The following RASA2 variants were observed in gnomAD, a reference collection of about 807,000 sequenced individuals.
RASA2 encodes the protein RAS p21 protein activator 2.
In RASA2, 155 loss-of-function variants were observed where a neutral mutation model predicts 118.2. The observed-to-expected ratio is 1.31, with a 90% CI of 1.15 to 1.50. The LOEUF is 1.50. Ranked by LOEUF, RASA2 falls within the 40% of genes most tolerant of loss-of-function variation. The pLI, the probability that RASA2 is intolerant of heterozygous loss-of-function variation, is 0.00. For missense variants in RASA2, 1,016 were observed against 1,009.6 expected, an observed-to-expected ratio of 1.01 and a Z score of -0.09; for synonymous variants, 353 against 349.1, an observed-to-expected ratio of 1.01 and a Z score of -0.12.
intron 5 of RASA2, among the ~76,000 whole-genome samples, chr3:141,543,072 T>G (rs2082429292): frequency 6.6e-6 from 1 of 152,082 alleles, no homozygotes; most frequent in Admixed American, 6.5e-5. Context: ...TGCCATTTTT[T>G]GTTTGTTTTC....
chr3:141,516,203 AATATAT>A (rs911013488), intron 2 of RASA2, 119 bp from the exon 3 acceptor site: 1 of 610,138 alleles, frequency 1.6e-6, no homozygotes, highest in Non-Finnish European at 2.2e-6. Context: ...AGTATAATAA[AATATAT>A]ATATATTAAA....
chr3:141,500,443 A>T (rs1284945474), intron 1 of RASA2, among the ~76,000 whole-genome samples: 1 of 152,226 alleles, frequency 6.6e-6, no homozygotes, highest in Non-Finnish European at 1.5e-5. Context: ...TGATTAAATG[A>T]TAAAGGCTAA....
intron 15 of RASA2, 89 bp from the exon 16 acceptor site, chr3:141,580,278 AG>A: frequency 2.1e-6 from 2 of 949,468 alleles, no homozygotes; most frequent in Admixed American, 5.1e-5. Context: ...ATTGTTTTAC[AG>A]CAATGTAGTC....
intron 19 of RASA2, among the ~76,000 whole-genome samples, chr3:141,597,390 C>A (rs1458893551): frequency 6.6e-6 from 1 of 152,074 alleles, no homozygotes; most frequent in African/African-American, 2.4e-5. Context: ...ACGAAGTGTC[C>A]AGAAAAGACA....
At chr3:141,555,309 G>A (rs908078309) in intron 6 of RASA2, among the ~76,000 whole-genome samples, 1 of 152,162 alleles carries the variant, frequency 6.6e-6, no homozygotes, top group African/African-American at 2.4e-5. Context: ...CTATTGTACT[G>A]TAGTTGTGTA....
intron 4 of RASA2, among the ~76,000 whole-genome samples, chr3:141,536,197 C>T (rs2082322847): frequency 1.3e-5 from 2 of 152,222 alleles, no homozygotes; most frequent in East Asian, 1.9e-4. Flanking sequence ...ACTGGGGAGG[C>T]GTCAGAATCA....
chr3:141,586,919 C>T, intron 19 of RASA2, 167 bp downstream of exon 19: 2 of 681,010 alleles, frequency 2.9e-6, no homozygotes, highest in Non-Finnish European at 5.4e-6. Flanking sequence ...ACAGTAACCC[C>T]ATGTATATTA....
At chr3:141,567,796 A>G (rs1173623129) in intron 9 of RASA2, among the ~76,000 whole-genome samples, 1 of 152,236 alleles carries the variant, frequency 6.6e-6, no homozygotes, top group African/African-American at 2.4e-5. Context: ...TGCCGTGCCT[A>G]GTACAAATGT....
chr3:141,520,692 A>G (rs779018504), intron 3 of RASA2, among the ~76,000 whole-genome samples: 26 of 152,202 alleles, frequency 1.7e-4, no homozygotes, highest in Non-Finnish European at 2.9e-4. Context: ...TTATATACAC[A>G]GATATATATA....
At chr3:141,561,788 A>G (rs1046346601) in intron 9 of RASA2, among the ~76,000 whole-genome samples, 1 of 152,250 alleles carries the variant, frequency 6.6e-6, no homozygotes, top group Non-Finnish European at 1.5e-5. Context: ...TAATTTTTAA[A>G]TTTGAAAGTA....
At chr3:141,501,241 A>C (rs971966380) in intron 1 of RASA2, among the ~76,000 whole-genome samples, 1 of 152,178 alleles carries the variant, frequency 6.6e-6, no homozygotes, top group Non-Finnish European at 1.5e-5. Flanking sequence ...TGTATTTCCT[A>C]TAATAGAAAT....
At chr3:141,500,519 A>G (rs1467574859) in intron 1 of RASA2, among the ~76,000 whole-genome samples, 3 of 152,232 alleles carry the variant, frequency 2.0e-5, no homozygotes, top group Non-Finnish European at 4.4e-5. Flanking sequence ...TCTGAGCCTC[A>G]GCTTCCTTGT....
chr3:141,536,444 AC>A (rs199554598), intron 4 of RASA2, among the ~76,000 whole-genome samples: 1,895 of 152,286 alleles, frequency 0.012, 27 homozygotes, highest in Admixed American at 0.034. Context: ...ACACAGCCAA[AC>A]CATATCAGTA....
intron 19 of RASA2, among the ~76,000 whole-genome samples, chr3:141,601,262 A>G (rs1197310800): frequency 6.6e-6 from 1 of 152,110 alleles, no homozygotes; most frequent in Non-Finnish European, 1.5e-5. Context: ...CCCCGTTTGT[A>G]TTAAAAATAC....
chr3:141,557,772 A>C (rs1471056801), intron 7 of RASA2, among the ~76,000 whole-genome samples: 1 of 152,194 alleles, frequency 6.6e-6, no homozygotes, highest in Non-Finnish European at 1.5e-5. Context: ...AGGAAGAGGC[A>C]GATAAAAGAG....
chr3:141,495,705 C>T (rs1024191468), intron 1 of RASA2, among the ~76,000 whole-genome samples: 3 of 152,186 alleles, frequency 2.0e-5, no homozygotes, highest in Non-Finnish European at 4.4e-5. Context: ...ATTTTTACTT[C>T]TACCTATTTG....
At chr3:141,596,253 C>CT (rs1340690081) in intron 19 of RASA2, among the ~76,000 whole-genome samples, 1 of 152,094 alleles carries the variant, frequency 6.6e-6, no homozygotes, top group Non-Finnish European at 1.5e-5. Flanking sequence ...TAAAATACTT[C>CT]TAAGTAACCT....
At chr3:141,547,779 CTT>C (rs2082508232) in intron 5 of RASA2, among the ~76,000 whole-genome samples, 1 of 152,250 alleles carries the variant, frequency 6.6e-6, no homozygotes. Flanking sequence ...AGAGAAAAGA[CTT>C]TCAGTTGTTC....
chr3:141,519,894 G>A (rs1483319501), intron 3 of RASA2, among the ~76,000 whole-genome samples: 2 of 151,720 alleles, frequency 1.3e-5, no homozygotes, highest in Admixed American at 1.3e-4. Flanking sequence ...CTGTGCTGGA[G>A]ATATGAACAG....
Sources: allele counts gnomAD v4.1 joint callset (sites outside exome capture counted in the v4.1 genomes callset), GRCh38; gene constraint gnomAD v4.1.1; transcripts MANE v1.5; gene names NCBI Gene and HGNC (gene_info 2026-07-23, HGNC 2026-07-21).